The following ACACB variants were observed in gnomAD, a reference collection of about 807,000 sequenced individuals.
The protein encoded by ACACB is acetyl-CoA carboxylase beta, also known as acetyl-CoA carboxylase 2.
In ACACB, 209 loss-of-function variants were observed where a neutral mutation model predicts 278.8. The ratio of observed to expected loss-of-function variants is 0.75; its 90% confidence interval spans 0.67 to 0.84. The LOEUF is 0.84. Among genes scored for constraint, ACACB ranks in the 40% least tolerant of loss-of-function variants. ACACB has a pLI of 0.00. For synonymous variants in ACACB, 1,174 were observed against 1,285.6 expected (o/e 0.91, Z 1.86); for missense variants, 2,850 against 3,269.0 (o/e 0.87, Z 3.13).
chr12:109,214,970 C>T (rs1285911230), intron 22 of ACACB, among the ~76,000 whole-genome samples: 2 of 152,044 alleles, frequency 1.3e-5, no homozygotes, highest in African/African-American at 2.4e-5. Flanking sequence ...GTGGTGGCCA[C>T]CTGTGGTCCC....
In ACACB at chr12:109,179,163, A is replaced by T. The variant is rs2044376013; in HGVS notation, c.1513A>T (p.Ile505Phe). Residue 505 changes from isoleucine to phenylalanine, a missense_variant, in exon 10 of 53, where the codon ATC (isoleucine) becomes TTC (phenylalanine). Transcript: ENST00000338432. ...GCACGCCCGTCACCTGGAAGTTCAG[A>T]TCCTCGCTGACCAGTATGGGAATGC... ...AQHARHLEVQILADQYGNAVS... is the reference protein window; with the variant it reads ...AQHARHLEVQFLADQYGNAVS... The T allele has an allele frequency of 3.1e-6, 5 of 1,614,036 alleles. No homozygotes were observed. The highest frequency in any genetic ancestry group is 4.2e-6 in the Non-Finnish European group (5 of 1,179,994).
intron 28 of ACACB, among the ~76,000 whole-genome samples, chr12:109,232,113 G>A (rs111873945): frequency 1.2e-4 from 18 of 152,156 alleles, no homozygotes; most frequent in African/African-American, 3.6e-4. Context: ...TACCCCTCCC[G>A]TATCTGATTC....
chr12:109,126,820 C>T (rs1280097652), intron 1 of ACACB, among the ~76,000 whole-genome samples: 1 of 152,108 alleles, frequency 6.6e-6, no homozygotes, highest in African/African-American at 2.4e-5. Flanking sequence ...CTCAGAGGGC[C>T]CTGGGAGACT....
chr12:109,223,481 G>C (rs1023542773), intron 26 of ACACB, among the ~76,000 whole-genome samples: 7 of 152,138 alleles, frequency 4.6e-5, no homozygotes, highest in Non-Finnish European at 8.8e-5. Flanking sequence ...TCACTGGCTG[G>C]GCACGGTGGC....
intron 37 of ACACB, among the ~76,000 whole-genome samples, chr12:109,242,827 G>A (rs1055911460): frequency 1.3e-5 from 2 of 152,182 alleles, no homozygotes; most frequent in East Asian, 1.9e-4. Context: ...TTAACCGGGC[G>A]TGGTGGCGCA....
intron 21 of ACACB, among the ~76,000 whole-genome samples, chr12:109,212,511 C>G (rs1162097648): frequency 6.6e-6 from 1 of 152,104 alleles, no homozygotes; most frequent in Non-Finnish European, 1.5e-5. Flanking sequence ...GATCATCAGG[C>G]CTTAGATTAT....
chr12:109,167,831 G>T (rs1324094058), intron 3 of ACACB, 65 bp from the exon 4 acceptor site: 1 of 1,610,670 alleles, frequency 6.2e-7, no homozygotes, highest in Non-Finnish European at 8.5e-7. Flanking sequence ...TGGACTCGGG[G>T]TAGCACGTGG....
chr12:109,141,358 G>A (rs1240474411), intron 2 of ACACB, among the ~76,000 whole-genome samples: 6 of 152,174 alleles, frequency 3.9e-5, no homozygotes, highest in East Asian at 1.9e-4. Flanking sequence ...CTATCCCAGC[G>A]GCTGCAGTCA....
At chr12:109,193,859 C>A in intron 16 of ACACB, 130 bp downstream of exon 16, 1 of 760,794 alleles carries the variant, frequency 1.3e-6, no homozygotes, top group Non-Finnish European at 2.2e-6. Flanking sequence ...CCTCGGGAAT[C>A]CCCATGTAGT....
intron 2 of ACACB, among the ~76,000 whole-genome samples, chr12:109,162,912 G>A (rs1326966416): frequency 6.6e-6 from 1 of 152,008 alleles, no homozygotes; most frequent in Non-Finnish European, 1.5e-5. Flanking sequence ...CTGACATTTG[G>A]GTTCAGTTTC....
intron 24 of ACACB, among the ~76,000 whole-genome samples, chr12:109,220,068 C>A (rs1202161899): frequency 6.6e-6 from 1 of 152,154 alleles, no homozygotes; most frequent in African/African-American, 2.4e-5. Context: ...GTTCGTTCTT[C>A]TGTGCACATA....
Position 109,222,525 on chromosome 12 carries a change from G to A in ACACB, c.3583G>A (p.Asp1195Asn), listed in dbSNP as rs768370789. The change falls in exon 25 of 53, where the codon GAC (aspartate) becomes AAC (asparagine). Residue 1195 changes from aspartate (D) to asparagine (N), a missense_variant. Around this residue, in one of 3 missense-constraint regions of ACACB, gnomAD observed 2,265 missense variants for 2,561.3 expected, o/e 0.88. Transcript: ENST00000338432. ...IMLIDELCGP[D>N]PSLSDELISI... ...CCCTAAGGATGAGCTGTGTGGCCCA[G>A]ACCCTTCCCTGTCGGACGAGCTGAT... is the stretch of plus-strand genomic sequence containing the variant. 6.8e-6 allele frequency: 11 copies of A among 1,614,070 alleles called. No individual in the cohort carries two copies. The highest frequency in any genetic ancestry group is 4.5e-5 in the East Asian group (2 of 44,884).
At chr12:109,241,564 T>C in intron 36 of ACACB, 1 of 392,520 alleles carries the variant, frequency 2.5e-6, no homozygotes. Context: ...GCCAGGCTGG[T>C]CTCGAATTCC....
chr12:109,173,998 G>C, intron 6 of ACACB, 134 bp from the exon 7 acceptor site: 1 of 644,880 alleles, frequency 1.6e-6, no homozygotes, highest in Non-Finnish European at 2.6e-6. Context: ...AGCTCCTTGA[G>C]AGCTGGGACC....
chr12:109,211,375 G>A (rs1332000512), intron 21 of ACACB, among the ~76,000 whole-genome samples: 1 of 124,404 alleles, frequency 8.0e-6, no homozygotes, highest in Non-Finnish European at 1.6e-5. Flanking sequence ...GAGACCTCCC[G>A]AATAGTTGGG....
intron 1 of ACACB, among the ~76,000 whole-genome samples, chr12:109,133,861 A>ATTTTTTTTTTTTTTTTTTTTTTT (rs1236378780): frequency 2.2e-5 from 1 of 46,358 alleles, no homozygotes; most frequent in African/African-American, 8.5e-5. Flanking sequence ...ATATATATAT[A>ATTTTTTTTTTTTTTTTTTTTTTT]TATTTTTTTT....
At chr12:109,219,541 A>G (rs1456604510) in intron 24 of ACACB, among the ~76,000 whole-genome samples, 1 of 152,102 alleles carries the variant, frequency 6.6e-6, no homozygotes. Flanking sequence ...ATTAGATAAT[A>G]TTATTGGTTT....
chr12:109,210,801 C>G (rs1005746461), intron 21 of ACACB, among the ~76,000 whole-genome samples: 2 of 150,832 alleles, frequency 1.3e-5, no homozygotes, highest in African/African-American at 4.9e-5. Flanking sequence ...GCAATCCCAA[C>G]TACTCAGGAG....
At chr12:109,234,628 G>T (rs1025146034) in intron 31 of ACACB, among the ~76,000 whole-genome samples, 4 of 152,162 alleles carry the variant, frequency 2.6e-5, no homozygotes, top group Non-Finnish European at 4.4e-5. Context: ...CCATAAAAAA[G>T]AATGAGATCA....
Sources: gnomAD v4.1 joint callset for allele counts (sites outside exome capture counted in the v4.1 genomes callset) on GRCh38, gnomAD v4.1.1 for gene constraint, gnomAD v4.1.1 regional missense constraint, MANE v1.5 for transcripts, NCBI Gene and HGNC (gene_info 2026-07-23, HGNC 2026-07-21) for gene names.